Variants in DCLK2 observed in about 807,000 individuals in gnomAD.
DCLK2 encodes the protein serine/threonine-protein kinase DCLK2.
In DCLK2, 31 loss-of-function variants were observed where a neutral mutation model predicts 78.4. That is an observed-to-expected ratio of 0.40 (90% confidence interval 0.30 to 0.53). DCLK2 has a LOEUF of 0.53. Ranked by LOEUF, DCLK2 falls within the 20% of genes least tolerant of loss-of-function variation. DCLK2 has a pLI of 0.61. For synonymous variants in DCLK2, 407 were observed against 374.9 expected, an observed-to-expected ratio of 1.09 and a Z score of -0.99; for missense variants, 872 against 973.7, an observed-to-expected ratio of 0.90 and a Z score of 1.39.
In DCLK2 at chr4:150,192,478, C is replaced by CAAAAAA. The variant is rs56235708; in HGVS notation, c.757-648_757-643dup. ...CTGGTGACAGAGCAAGATTGCGTCT[C>CAAAAAA]AAAAAAAAAAAAAAAAACAAGTGAA... On this transcript the variant is annotated intron_variant, in intron 2 of 15. Transcript: ENST00000296550. 7.1e-5 allele frequency among the ~76,000 whole-genome samples: 8 copies of CAAAAAA among 112,470 alleles called. 1 individual carries two copies. Among genetic ancestry groups the CAAAAAA allele is most frequent in the African/African-American group, 1.1e-4 (3 of 28,378 alleles). The allele number at this position is 112,470 out of a possible 152,430, so 73.8% of individuals were successfully genotyped here. A position where few individuals can be genotyped will look rare whatever the true frequency, so the allele number is the denominator to read the frequency against.
intron 8 of DCLK2, among the ~76,000 whole-genome samples, chr4:150,228,182 C>G (rs542635284): frequency 1.3e-5 from 2 of 152,344 alleles, no homozygotes; most frequent in Middle Eastern, 3.4e-3. Context: ...AGGGTTATCT[C>G]TCCACTGCAG....
chr4:150,127,583 GTTAGGTTCATGA>G (rs1417621277), intron 2 of DCLK2, among the ~76,000 whole-genome samples: 3 of 152,160 alleles, frequency 2.0e-5, no homozygotes, highest in African/African-American at 7.2e-5. Context: ...AGGGAACCTT[GTTAGGTTCATGA>G]TTAGACCGTA....
intron 5 of DCLK2, among the ~76,000 whole-genome samples, chr4:150,216,363 G>A (rs1229649652): frequency 6.6e-6 from 1 of 152,222 alleles, no homozygotes; most frequent in Non-Finnish European, 1.5e-5. Flanking sequence ...CAGCAGCTCG[G>A]TGCAGCGGCT....
chr4:150,101,663 T>C (rs1730900351), intron 1 of DCLK2, among the ~76,000 whole-genome samples: 1 of 152,108 alleles, frequency 6.6e-6, no homozygotes, highest in Admixed American at 6.6e-5. Context: ...TTGGAAATTT[T>C]GGAACTTAAA....
chr4:150,223,962 TTG>T (rs201402938), intron 7 of DCLK2, among the ~76,000 whole-genome samples: 3,122 of 152,090 alleles, frequency 0.021, 108 homozygotes, highest in African/African-American at 0.071. Context: ...TAAAAATATA[TTG>T]ATAATAAAAT....
chr4:150,121,174 G>T (rs1322519031), intron 2 of DCLK2, among the ~76,000 whole-genome samples: 1 of 87,826 alleles, frequency 1.1e-5, no homozygotes, highest in East Asian at 2.5e-4. Context: ...CAGGGTGGTG[G>T]TTGCTGAAGG....
chr4:150,104,303 C>G (rs1260043849), intron 2 of DCLK2, among the ~76,000 whole-genome samples: 1 of 146,114 alleles, frequency 6.8e-6, no homozygotes, highest in Non-Finnish European at 1.5e-5. Context: ...TGGGAGGATC[C>G]TTTGAACCCA....
rs368737007 is a variant in DCLK2 at position 150,155,670 on chromosome 4, A to G, written c.757-37468A>G. On this transcript the variant is annotated intron_variant, in intron 2 of 15. Coordinates refer to ENST00000296550, the MANE Select transcript of DCLK2 (RefSeq NM_001040260.4). The stretch of plus-strand genomic sequence containing the variant: ...GTGTTGAGAAAAGCTTGCAGTAATC[A>G]TGGGTAAAACTCTTGAGACATCCAT... Among the ~76,000 whole-genome samples the G allele has an allele frequency of 2.4e-4, 36 of 152,292 alleles. 3 individuals carry two copies. The highest frequency in any genetic ancestry group is 1.5e-3 in the Admixed American group (23 of 15,288).
At chr4:150,146,246 G>C (rs1029949575) in intron 2 of DCLK2, among the ~76,000 whole-genome samples, 7 of 152,168 alleles carry the variant, frequency 4.6e-5, no homozygotes, top group Admixed American at 1.3e-4. Flanking sequence ...ACCACTCAAG[G>C]TCTGGTCCAT....
intron 2 of DCLK2, among the ~76,000 whole-genome samples, chr4:150,166,785 G>A (rs1412209393): frequency 6.6e-6 from 1 of 152,094 alleles, no homozygotes; most frequent in African/African-American, 2.4e-5. Flanking sequence ...TGAAGAGGTG[G>A]GTGCTTGCTG....
chr4:150,102,901 G>A, intron 2 of DCLK2, 89 bp downstream of exon 2: 3 of 1,243,378 alleles, frequency 2.4e-6, no homozygotes, highest in East Asian at 2.5e-5. Context: ...AAATTTAGTA[G>A]TGTGCTAGAA....
chr4:150,235,227 C>CT (rs1396934149), intron 10 of DCLK2, among the ~76,000 whole-genome samples: 2 of 152,176 alleles, frequency 1.3e-5, no homozygotes, highest in African/African-American at 4.8e-5. Flanking sequence ...ACAGATCTCA[C>CT]TCTCACCTCC....
intron 15 of DCLK2, among the ~76,000 whole-genome samples, chr4:150,255,410 G>GT (rs1327947204): frequency 2.0e-5 from 3 of 152,254 alleles, no homozygotes; most frequent in Non-Finnish European, 4.4e-5. Context: ...TCTGTTCCTT[G>GT]AAGAGCTGAG....
At chr4:150,247,749 AC>A in intron 13 of DCLK2, 50 bp downstream of exon 13, 1 of 1,465,812 alleles carries the variant, frequency 6.8e-7, no homozygotes, top group Non-Finnish European at 9.5e-7. Flanking sequence ...TGGGGTCCTC[AC>A]CCATTGCACA....
intron 2 of DCLK2, among the ~76,000 whole-genome samples, chr4:150,151,646 C>T (rs775182586): frequency 3.3e-5 from 5 of 151,984 alleles, no homozygotes; most frequent in African/African-American, 9.7e-5. Context: ...GGCTCTGGGC[C>T]GGGTGCGGTG....
intron 1 of DCLK2, among the ~76,000 whole-genome samples, chr4:150,088,280 G>C (rs1729783791): frequency 6.6e-6 from 1 of 152,080 alleles, no homozygotes; most frequent in African/African-American, 2.4e-5. Flanking sequence ...TCTCTTATTA[G>C]TTTAGTGATC....
At chr4:150,137,085 G>A in intron 2 of DCLK2, among the ~76,000 whole-genome samples, 1 of 147,892 alleles carries the variant, frequency 6.8e-6, no homozygotes, top group Non-Finnish European at 1.5e-5. Flanking sequence ...GGGCTCAAGG[G>A]ATCCTCCCAC....
intron 5 of DCLK2, among the ~76,000 whole-genome samples, chr4:150,215,696 AC>A (rs1740650691): frequency 6.6e-6 from 1 of 152,210 alleles, no homozygotes. Context: ...AGGCTTCATT[AC>A]ATAGGCATGA....
At chr4:150,215,653 C>T (rs989958653) in intron 5 of DCLK2, among the ~76,000 whole-genome samples, 4 of 152,308 alleles carry the variant, frequency 2.6e-5, no homozygotes, top group Non-Finnish European at 5.9e-5. Flanking sequence ...TATCCAGAAG[C>T]GTTCCTAACC....
Sources: allele counts gnomAD v4.1 joint callset (sites outside exome capture counted in the v4.1 genomes callset), GRCh38; gene constraint gnomAD v4.1.1; transcripts MANE v1.5; gene names NCBI Gene and HGNC (gene_info 2026-07-23, HGNC 2026-07-21).